Variants in CSMD1 observed in about 807,000 individuals in gnomAD.
CSMD1 encodes CUB and Sushi multiple domains 1.
A neutral mutation model predicts 417.5 loss-of-function variants in CSMD1; 213 were observed. That is an observed-to-expected ratio of 0.51 (90% CI 0.46 to 0.57). The LOEUF is 0.57. Ranked by LOEUF, CSMD1 falls within the 20% of genes least tolerant of loss-of-function variation. CSMD1 has a pLI of 0.00. For synonymous variants in CSMD1, 2,862 were observed against 1,736.8 expected, an observed-to-expected ratio of 1.65 and a Z score of -16.11; for missense variants, 6,923 against 4,529.7, an observed-to-expected ratio of 1.53 and a Z score of -15.17.
intron 3 of CSMD1, among the ~76,000 whole-genome samples, chr8:4,330,037 A>C (rs1275081061): frequency 1.3e-5 from 2 of 152,096 alleles, no homozygotes; most frequent in Non-Finnish European, 2.9e-5. Context: ...GAGCCAATTA[A>C]ACCTCTTTTC....
chr8:4,516,798 A>C (rs934579832), intron 2 of CSMD1, among the ~76,000 whole-genome samples: 1 of 152,154 alleles, frequency 6.6e-6, no homozygotes, highest in Non-Finnish European at 1.5e-5. Context: ...TGACCAACCC[A>C]GGAGGTATTT....
At chr8:4,228,596 T>G (rs1317900553) in intron 3 of CSMD1, among the ~76,000 whole-genome samples, 1 of 151,662 alleles carries the variant, frequency 6.6e-6, no homozygotes, top group Non-Finnish European at 1.5e-5. Flanking sequence ...GATCTTTTTT[T>G]TTTTTTTTTC....
At chr8:4,510,489 C>T (rs1802762515) in intron 2 of CSMD1, among the ~76,000 whole-genome samples, 1 of 148,424 alleles carries the variant, frequency 6.7e-6, no homozygotes, top group African/African-American at 2.5e-5. Flanking sequence ...TCCTCTTCTA[C>T]CTCAGATAAT....
intron 54 of CSMD1, among the ~76,000 whole-genome samples, chr8:2,979,707 A>C (rs1805246425): frequency 6.6e-6 from 1 of 152,234 alleles, no homozygotes; most frequent in Non-Finnish European, 1.5e-5. Flanking sequence ...CAAAAAAGGA[A>C]GGCAGAGGGC....
rs757522659 is a variant in CSMD1, at chr8:2,961,153, G to A, written c.9690C>T (p.Ser3230=). The A allele has an allele frequency of 6.3e-7, 1 of 1,591,004 alleles. No individual in the cohort carries two copies. Among genetic ancestry groups the A allele is most frequent in the Non-Finnish European group, 8.6e-7 (1 of 1,164,274 alleles). The change falls in exon 62 of 70, where the codon TCC becomes TCT. Residue 3230 remains serine, a synonymous_variant. Transcript: ENST00000635120. ...GTPHFGIQNS[S]RGYEVGSTVF... ...CATAATGAACTACCTCATAGCCTCT[G>A]GAGCTATTCTGTATTCCAAAGTGTG... is the stretch of plus-strand genomic sequence containing the variant.
intron 26 of CSMD1, among the ~76,000 whole-genome samples, chr8:3,275,705 T>C (rs952577494): frequency 6.6e-6 from 1 of 152,238 alleles, no homozygotes; most frequent in Non-Finnish European, 1.5e-5. Flanking sequence ...ATACCATTTC[T>C]TCCAGTTGAT....
At chr8:3,875,703 C>A (rs1340218353) in intron 5 of CSMD1, among the ~76,000 whole-genome samples, 1 of 152,042 alleles carries the variant, frequency 6.6e-6, no homozygotes, top group Non-Finnish European at 1.5e-5. Flanking sequence ...AGGGAGGGGG[C>A]AGAATCTTCT....
chr8:4,398,907 T>C (rs1804454069), intron 3 of CSMD1, among the ~76,000 whole-genome samples: 1 of 152,176 alleles, frequency 6.6e-6, no homozygotes, highest in African/African-American at 2.4e-5. Context: ...AAGTCTCTAA[T>C]TCACAAATCC....
intron 37 of CSMD1, among the ~76,000 whole-genome samples, chr8:3,168,832 T>A (rs949334761): frequency 7.9e-5 from 12 of 152,194 alleles, no homozygotes; most frequent in African/African-American, 2.7e-4. Context: ...TTTCCACTTG[T>A]TACATCCTGC....
chr8:3,281,676 A>G (rs766411079), intron 26 of CSMD1, among the ~76,000 whole-genome samples: 5 of 152,156 alleles, frequency 3.3e-5, no homozygotes, highest in Admixed American at 6.5e-5. Flanking sequence ...AATTAGGAGG[A>G]AGGAAGGGAT....
intron 3 of CSMD1, among the ~76,000 whole-genome samples, chr8:4,045,616 G>T (rs1798110080): frequency 6.6e-6 from 1 of 152,182 alleles, no homozygotes; most frequent in South Asian, 2.1e-4. Flanking sequence ...GCTATTAGCT[G>T]CAACATAGAA....
chr8:4,756,463 G>C (rs1042388986), intron 1 of CSMD1, among the ~76,000 whole-genome samples: 1 of 152,050 alleles, frequency 6.6e-6, no homozygotes, highest in Admixed American at 6.5e-5. Context: ...AGTTAATTTG[G>C]GGAGGAAATA....
intron 1 of CSMD1, among the ~76,000 whole-genome samples, chr8:4,875,391 T>G (rs1358615548): frequency 6.6e-6 from 1 of 152,092 alleles, no homozygotes; most frequent in Non-Finnish European, 1.5e-5. Context: ...AAGCCTTTAT[T>G]TCTCCAGAAT....
intron 20 of CSMD1, among the ~76,000 whole-genome samples, chr8:3,364,370 G>A (rs1412964689): frequency 6.6e-6 from 1 of 152,138 alleles, no homozygotes; most frequent in African/African-American, 2.4e-5. Context: ...TTCTTCTGCA[G>A]GCTTTAGGTA....
At chr8:3,514,227 G>T (rs186907702) in intron 10 of CSMD1, among the ~76,000 whole-genome samples, 1 of 152,082 alleles carries the variant, frequency 6.6e-6, no homozygotes, top group Non-Finnish European at 1.5e-5. Flanking sequence ...AAATAAGACC[G>T]GCTTTCTTAG....
At chr8:3,184,568 C>T (rs572137882) in intron 36 of CSMD1, among the ~76,000 whole-genome samples, 18 of 152,296 alleles carry the variant, frequency 1.2e-4, no homozygotes, top group Non-Finnish European at 2.4e-4. Context: ...CTTCTTCTTA[C>T]GCATTTGTTC....
chr8:3,758,851 T>C (rs11783053), intron 5 of CSMD1, among the ~76,000 whole-genome samples: 30,033 of 151,936 alleles, frequency 0.2, 3,393 homozygotes, highest in South Asian at 0.29. Context: ...TACTAGATTA[T>C]TGAGTGGGCC....
intron 1 of CSMD1, among the ~76,000 whole-genome samples, chr8:4,770,631 A>G (rs1195450411): frequency 6.6e-6 from 1 of 152,114 alleles, no homozygotes; most frequent in Non-Finnish European, 1.5e-5. Context: ...GACCAGCGGA[A>G]GAGAATAGAG....
chr8:3,174,975 A>G (rs527555905), intron 37 of CSMD1, among the ~76,000 whole-genome samples: 1 of 152,286 alleles, frequency 6.6e-6, no homozygotes, highest in Non-Finnish European at 1.5e-5. Context: ...ATAGCTAACT[A>G]CCAATTATAT....
Sources: allele counts gnomAD v4.1 joint callset (sites outside exome capture counted in the v4.1 genomes callset), GRCh38; gene constraint gnomAD v4.1.1; transcripts MANE v1.5; gene names NCBI Gene and HGNC (gene_info 2026-07-23, HGNC 2026-07-21).